The following MLLT3 variants were observed in gnomAD, a reference collection of about 807,000 sequenced individuals.
MLLT3 encodes MLLT3 super elongation complex subunit.
MLLT3 carries 4 observed loss-of-function variants against 53.2 expected under a neutral mutation model. The ratio of observed to expected loss-of-function variants is 0.08; its 90% CI spans 0.04 to 0.17. MLLT3 has a LOEUF of 0.17. Among genes scored for constraint, MLLT3 ranks in the 10% least tolerant of loss-of-function variants. The pLI, the probability that MLLT3 is intolerant of heterozygous loss-of-function variation, is 1.00. For missense variants in MLLT3, 569 were observed against 684.0 expected (o/e 0.83, Z 1.87); for synonymous variants, 283 against 230.6 (o/e 1.23, Z -2.06).
intron 7 of MLLT3, among the ~76,000 whole-genome samples, chr9:20,362,269 GGGCAA>G: frequency 6.6e-6 from 1 of 152,044 alleles, no homozygotes; most frequent in South Asian, 2.1e-4. Flanking sequence ...ATAAGTAGGT[GGGCAA>G]CAACTAATCA....
At chr9:20,541,786 T>G (rs1818637891) in intron 2 of MLLT3, among the ~76,000 whole-genome samples, 1 of 152,202 alleles carries the variant, frequency 6.6e-6, no homozygotes, top group Non-Finnish European at 1.5e-5. Flanking sequence ...TGTTCAAGTT[T>G]TATCATGAGA....
chr9:20,446,651 A>T (rs968869295), intron 4 of MLLT3, among the ~76,000 whole-genome samples: 4 of 152,178 alleles, frequency 2.6e-5, no homozygotes, highest in Non-Finnish European at 5.9e-5. Context: ...CGAATTCATT[A>T]AAAAAATGAG....
intron 2 of MLLT3, among the ~76,000 whole-genome samples, chr9:20,598,663 A>C (rs572379868): frequency 6.6e-6 from 1 of 152,362 alleles, no homozygotes; most frequent in South Asian, 2.1e-4. Flanking sequence ...AGTGATGATC[A>C]GTAAACTGAA....
intron 2 of MLLT3, among the ~76,000 whole-genome samples, chr9:20,511,481 A>G (rs1481220074): frequency 6.6e-6 from 1 of 152,224 alleles, no homozygotes; most frequent in Admixed American, 6.5e-5. Context: ...CTTCTCTCAA[A>G]CTATTACCAG....
chr9:20,499,655 C>A (rs543162312), intron 2 of MLLT3, among the ~76,000 whole-genome samples: 1 of 152,238 alleles, frequency 6.6e-6, no homozygotes, highest in East Asian at 1.9e-4. Context: ...CCTTGCAATA[C>A]AATCAGCTCA....
intron 2 of MLLT3, among the ~76,000 whole-genome samples, chr9:20,587,711 G>T (rs905667281): frequency 6.6e-6 from 1 of 151,954 alleles, no homozygotes; most frequent in African/African-American, 2.4e-5. Flanking sequence ...TTGTAAATTT[G>T]TTTGAGTTCA....
At chr9:20,484,054 C>T (rs1398355563) in intron 2 of MLLT3, among the ~76,000 whole-genome samples, 1 of 152,014 alleles carries the variant, frequency 6.6e-6, no homozygotes, top group Non-Finnish European at 1.5e-5. Context: ...ATATATTCCA[C>T]TTTCAGAGAG....
intron 10 of MLLT3, 55 bp downstream of exon 10, chr9:20,353,470 G>GC (rs1821087640): frequency 2.1e-5 from 32 of 1,507,542 alleles, no homozygotes; most frequent in Non-Finnish European, 2.8e-5. Flanking sequence ...ACTACTGCAG[G>GC]ACAAACCAAG....
In MLLT3 at chr9:20,498,266, A is replaced by AG. The variant is rs1554631170; in HGVS notation, c.194-41481dup. Among the ~76,000 whole-genome samples, 129 of 98,342 alleles carry AG rather than the reference A, an allele frequency of 1.3e-3. 27 individuals are homozygous for AG. Among genetic ancestry groups the AG allele is most frequent in the South Asian group, 1.7e-3 (5 of 2,860 alleles). The allele number at this position is 98,342 out of a possible 152,430, so 64.5% of individuals were successfully genotyped here. A position where few individuals can be genotyped will look rare whatever the true frequency, so the allele number is the denominator to read the frequency against. ...AAAAAAAAAAAAAAAAAAAAAAAAA[A>AG]GTTCTTCTAGCTGTTCTACCTTTAC... On this transcript the variant is annotated intron_variant, in intron 2 of 10. Coordinates refer to ENST00000380338, the MANE Select transcript of MLLT3 (RefSeq NM_004529.4).
intron 2 of MLLT3, among the ~76,000 whole-genome samples, chr9:20,550,961 C>A (rs530080915): frequency 5.3e-5 from 8 of 151,996 alleles, no homozygotes; most frequent in Non-Finnish European, 1.2e-4. Context: ...AATGGGGTCT[C>A]ACTACATTAA....
chr9:20,602,761 TACACACACAC>T (rs3086486), intron 2 of MLLT3, among the ~76,000 whole-genome samples: 2,394 of 147,292 alleles, frequency 0.016, 72 homozygotes, highest in East Asian at 0.14. Context: ...TTAAGTTTGA[TACACACACAC>T]ACACACACAC....
chr9:20,375,809 A>C (rs904009087), intron 5 of MLLT3, among the ~76,000 whole-genome samples: 2 of 151,324 alleles, frequency 1.3e-5, no homozygotes, highest in Non-Finnish European at 3.0e-5. Flanking sequence ...GGGGTTTCAC[A>C]GTGTTAGCCA....
chr9:20,458,921 T>C (rs1321710536), intron 2 of MLLT3, among the ~76,000 whole-genome samples: 2 of 152,078 alleles, frequency 1.3e-5, no homozygotes, highest in Non-Finnish European at 2.9e-5. Flanking sequence ...GCCTTTTGGA[T>C]GAAAATAAAC....
intron 2 of MLLT3, among the ~76,000 whole-genome samples, chr9:20,536,476 T>C (rs1479666597): frequency 1.3e-5 from 2 of 152,174 alleles, no homozygotes; most frequent in Admixed American, 6.5e-5. Context: ...CCTTTAATAC[T>C]GAGCACGCCA....
chr9:20,586,064 T>C (rs1267344137), intron 2 of MLLT3, among the ~76,000 whole-genome samples: 1 of 152,164 alleles, frequency 6.6e-6, no homozygotes, highest in East Asian at 1.9e-4. Flanking sequence ...ACATCTGTAA[T>C]CCTAGCACTT....
chr9:20,365,570 G>T, intron 6 of MLLT3, 99 bp downstream of exon 6: 1 of 1,324,548 alleles, frequency 7.5e-7, no homozygotes, highest in South Asian at 1.2e-5. Context: ...GGATGGTCTT[G>T]ATCTCCTGAC....
chr9:20,565,027 T>C (rs1389160623), intron 2 of MLLT3, among the ~76,000 whole-genome samples: 1 of 152,168 alleles, frequency 6.6e-6, no homozygotes, highest in African/African-American at 2.4e-5. Context: ...CACTGGAATC[T>C]TTCAAATATG....
At chr9:20,375,832 T>A (rs1052516300) in intron 5 of MLLT3, among the ~76,000 whole-genome samples, 5 of 151,874 alleles carry the variant, frequency 3.3e-5, no homozygotes, top group Non-Finnish European at 5.9e-5. Context: ...ATGGTCTCCA[T>A]CTCCTGACCT....
Position 20,344,218 on chromosome 9 carries a change from G to T in MLLT3, c.*2225C>A, listed in dbSNP as rs923715892. The T allele has an allele frequency of 1.0e-5, 2 of 195,518 alleles. No homozygotes were observed. The highest frequency in any genetic ancestry group is 2.1e-5 in the Non-Finnish European group (2 of 94,326). The allele number at this position is 195,518 out of a possible 1,614,324, so 12.1% of individuals were successfully genotyped here. A position where few individuals can be genotyped will look rare whatever the true frequency, so the allele number is the denominator to read the frequency against. ...TAGCTTCTTGGTTAGTAACTTAAAG[G>T]AAAAAATTTTTACATTGGCAAATCA... is the stretch of plus-strand genomic sequence containing the variant. On this transcript the variant is annotated 3_prime_UTR_variant, in exon 11 of 11. Transcript: ENST00000380338.
Sources: gnomAD v4.1 joint callset for allele counts (sites outside exome capture counted in the v4.1 genomes callset) on GRCh38, gnomAD v4.1.1 for gene constraint, MANE v1.5 for transcripts, NCBI Gene and HGNC (gene_info 2026-07-23, HGNC 2026-07-21) for gene names.